Variants in TRIM37 observed in about 807,000 individuals in gnomAD.
TRIM37 encodes tripartite motif containing 37.
A neutral mutation model predicts 129.8 loss-of-function variants in TRIM37; 80 were observed. The observed-to-expected ratio is 0.62, with a 90% CI of 0.51 to 0.74. The LOEUF is 0.74. Ranked by LOEUF, TRIM37 falls within the 30% of genes least tolerant of loss-of-function variation. TRIM37 has a pLI of 0.00. For missense variants in TRIM37, 1,054 were observed against 1,176.5 expected (o/e 0.90, Z 1.52); for synonymous variants, 389 against 387.1 (o/e 1.00, Z -0.06).
At chr17:59,083,112 G>A (rs2043444311) in intron 5 of TRIM37, among the ~76,000 whole-genome samples, 2 of 152,080 alleles carry the variant, frequency 1.3e-5, no homozygotes. Context: ...TATGCCAATT[G>A]TACTTATTAT....
At chr17:59,028,787 T>G in intron 18 of TRIM37, 64 bp from the exon 19 acceptor site, 3 of 1,557,484 alleles carry the variant, frequency 1.9e-6, no homozygotes, top group Non-Finnish European at 2.7e-6. Flanking sequence ...ATTTGTACCA[T>G]GAATATATGC....
the TRIM37 span, among the ~76,000 whole-genome samples, chr17:58,976,976 A>G: frequency 2.0e-5 from 3 of 152,204 alleles, no homozygotes; most frequent in Admixed American, 2.0e-4. Flanking sequence ...ACTGAATCCC[A>G]TATTGGATTT....
downstream of TRIM37, chr17:58,980,050 C>T: frequency 1.2e-6 from 2 of 1,614,048 alleles, no homozygotes; most frequent in Non-Finnish European, 1.7e-6. This position sits in a 1 kb window ranked among gnomAD's most constrained non-coding sequence, Gnocchi z 4.7. Context: ...CCGAAGACTA[C>T]CTCATTCTGG....
chr17:59,103,591 C>T (rs989597178), intron 2 of TRIM37, among the ~76,000 whole-genome samples: 4 of 151,160 alleles, frequency 2.6e-5, no homozygotes, highest in Admixed American at 2.0e-4. Flanking sequence ...CCACCCGCCT[C>T]GGCCTCCCAA....
chr17:58,982,849 T>G, exon 25 of TRIM37: 1 of 1,492,136 alleles, frequency 6.7e-7, no homozygotes, highest in African/African-American at 1.4e-5. Context: ...TGGTCCTCAC[T>G]CATATCTGTC....
intron 1 of TRIM37, among the ~76,000 whole-genome samples, chr17:59,104,842 A>G (rs897556897): frequency 6.6e-6 from 1 of 152,116 alleles, no homozygotes; most frequent in Non-Finnish European, 1.5e-5. Flanking sequence ...CTGTAATCCT[A>G]GCACTTTGGG....
chr17:59,019,430 C>T (rs1731877428), intron 19 of TRIM37, among the ~76,000 whole-genome samples: 1 of 152,308 alleles, frequency 6.6e-6, no homozygotes, highest in East Asian at 1.9e-4. Context: ...AAAGTCCAGG[C>T]TGGGCGCAGT....
downstream of TRIM37, among the ~76,000 whole-genome samples, chr17:58,994,313 G>A (rs1244348396): frequency 6.6e-6 from 1 of 151,992 alleles, no homozygotes; most frequent in Non-Finnish European, 1.5e-5. Flanking sequence ...TGCATCCATG[G>A]AGTCAACCAA....
intron 7 of TRIM37, 46 bp downstream of exon 7, chr17:59,079,704 CAAAG>C: frequency 6.2e-7 from 1 of 1,611,158 alleles, no homozygotes; most frequent in African/African-American, 1.3e-5. Flanking sequence ...GACTGAATCT[CAAAG>C]AAGCTGAAAG....
At chr17:59,062,932 A>G (rs1200348838) in intron 10 of TRIM37, among the ~76,000 whole-genome samples, 1 of 152,224 alleles carries the variant, frequency 6.6e-6, no homozygotes, top group Non-Finnish European at 1.5e-5. Flanking sequence ...TGTATCACCA[A>G]GTCTCCCAAA....
At chr17:58,993,853 G>A (rs569340749), downstream of TRIM37, among the ~76,000 whole-genome samples, 8 of 152,224 alleles carry the variant, frequency 5.3e-5, no homozygotes, top group Non-Finnish European at 8.8e-5. Context: ...TTACACCAAC[G>A]AAGCACAAAA....
At chr17:58,993,984 AC>A (rs1016527637), downstream of TRIM37, among the ~76,000 whole-genome samples, 2 of 152,236 alleles carry the variant, frequency 1.3e-5, no homozygotes, top group African/African-American at 4.8e-5. Flanking sequence ...GTATACAAGC[AC>A]TGTATTTTAG....
downstream of TRIM37, chr17:58,981,191 T>A (rs2143830669): frequency 1.7e-6 from 1 of 600,272 alleles, no homozygotes. Flanking sequence ...CAAAGTACAG[T>A]GTTTTCAATC....
chr17:59,010,386 G>A (rs2035100881), intron 22 of TRIM37, among the ~76,000 whole-genome samples: 2 of 152,136 alleles, frequency 1.3e-5, no homozygotes, highest in Non-Finnish European at 2.9e-5. Context: ...GTGCAAAGGT[G>A]GAGAAAGTCT....
chr17:58,985,019 C>T (rs1462378164), intron 24 of TRIM37: 1 of 152,544 alleles, frequency 6.6e-6, no homozygotes, highest in Non-Finnish European at 1.5e-5. Context: ...AATTTCTTAC[C>T]AAATAAATTT....
In TRIM37 at chr17:59,064,362, T is replaced by C. The variant is rs2041756269; in HGVS notation, c.853A>G (p.Asn285Asp). 1 of 1,600,582 alleles carries C rather than the reference T, an allele frequency of 6.2e-7. No individual in the cohort carries two copies. The change falls in exon 10 of 24, where the codon AAT (asparagine) becomes GAT (aspartate). Residue 285 changes from asparagine to aspartate, a missense_variant. This residue lies in a region of TRIM37 where 752 missense variants were observed against 870.8 expected (regional missense o/e 0.86). Coordinates refer to ENST00000262294, the MANE Select transcript of TRIM37 (RefSeq NM_015294.6). ...SYDSATFVLE[N>D]FSTLRQRADP... ...ATTGTCAAAAACTCTTACCTGAAAT[T>C]CTCTAAAACAAAAGTAGCTGAATCG...
chr17:59,044,054 G>A (rs573691551), intron 16 of TRIM37, among the ~76,000 whole-genome samples: 6 of 152,288 alleles, frequency 3.9e-5, no homozygotes, highest in African/African-American at 1.2e-4. Flanking sequence ...CAGCACTTTG[G>A]GAAGCCGAGG....
rs186395715 is a variant in TRIM37, at chr17:58,998,714, A to G, written c.*663T>C. On this transcript the variant is annotated 3_prime_UTR_variant, in exon 24 of 24. Transcript: ENST00000262294. ...GTCTACAGGGCCAGGAACGTAATGA[A>G]TCCATGTTAACTTAATTTCATTTAA... 111 of 985,694 alleles carry G rather than the reference A, an allele frequency of 1.1e-4. No individual in the cohort carries two copies. Among genetic ancestry groups the G allele is most frequent in the Middle Eastern group, 5.2e-4 (1 of 1,914 alleles). The allele number at this position is 985,694 out of a possible 1,614,324, so 61.1% of individuals were successfully genotyped here.
the TRIM37 span, among the ~76,000 whole-genome samples, chr17:58,967,517 T>TAG: frequency 3.1e-3 from 468 of 149,446 alleles, 2 homozygotes; most frequent in East Asian, 0.027. Context: ...TATATATATA[T>TAG]ATAGAGAGAG....
Sources: allele counts gnomAD v4.1 joint callset (sites outside exome capture counted in the v4.1 genomes callset), GRCh38; gene constraint gnomAD v4.1.1; regional missense constraint gnomAD v4.1.1; non-coding constraint Gnocchi (gnomAD v3.1); transcripts MANE v1.5; gene names NCBI Gene and HGNC (gene_info 2026-07-23, HGNC 2026-07-21).